BCL9L: variants seen among roughly 807,000 people sequenced by gnomAD.
BCL9L encodes the protein B-cell CLL/lymphoma 9-like protein.
BCL9L carries 19 observed loss-of-function variants against 99.4 expected under a neutral mutation model. The ratio of observed to expected loss-of-function variants is 0.19; its 90% confidence interval spans 0.13 to 0.28. The LOEUF (loss-of-function observed/expected upper bound fraction) is 0.28, where lower values mean the gene tolerates loss of function less well. Ranked by LOEUF, BCL9L falls within the 10% of genes least tolerant of loss-of-function variation. BCL9L has a pLI of 1.00. For synonymous variants in BCL9L, 900 were observed against 854.8 expected, an observed-to-expected ratio of 1.05 and a Z score of -0.92; for missense variants, 2,023 against 2,101.6, an observed-to-expected ratio of 0.96 and a Z score of 0.73.
chr11:118,896,427 C>T lies in BCL9L; in HGVS notation c.*1988G>A, dbSNP rs1939922805. On this transcript the variant is annotated 3_prime_UTR_variant, in exon 10 of 10. Transcript: ENST00000683865. Reference sequence around the variant, plus strand: ...GCCCGCTGCAATCTGACCCCTCTCTCCTCAGGGCAGGAAACACAGAGTCAG... The same window carrying T: ...GCCCGCTGCAATCTGACCCCTCTCTTCTCAGGGCAGGAAACACAGAGTCAG... 1 of 152,376 alleles carries T rather than the reference C, an allele frequency of 6.6e-6. No individual in the cohort carries two copies. The highest frequency in any genetic ancestry group is 2.4e-5 in the African/African-American group (1 of 41,412). 9.4% of individuals were successfully genotyped at this position (152,376 alleles called of 1,614,324 possible).
rs750638903 is a variant in BCL9L at position 118,901,725 on chromosome 11, C to T, written c.2018G>A (p.Arg673Gln). 1.9e-6 allele frequency: 3 copies of T among 1,613,456 alleles called. No individual in the cohort carries two copies. Among genetic ancestry groups the T allele is most frequent in the Admixed American group, 1.7e-5 (1 of 60,020 alleles). The change falls in exon 8 of 10, where the codon CGG becomes CAG. Residue 673 changes from arginine to glutamine, a missense_variant. By Grantham distance (43) the Arg-to-Gln change is conservative. This residue lies in a region of BCL9L where 1,116 missense variants were observed against 1,194.6 expected (regional missense o/e 0.93). Transcript: ENST00000683865. This position sits in a 1 kb window ranked among gnomAD's most constrained non-coding sequence, Gnocchi z 6.6. ...QGEAERFMTP[R>Q]VREELLRHQL... is the part of the protein sequence containing the mutation. ...GTGCCGCAGCAGCTCCTCACGGACC[C>T]GGGGAGTCATGAATCGCTCCGCCTC...
Position 118,900,490 on chromosome 11 carries a change from T to C in BCL9L, c.3124+129A>G. ...CCCACAAATGTCATCATCTGCCCCA[T>C]AAGCAGAGCCATCCACCTCTGGGCC... On this transcript the variant is annotated intron_variant, in intron 8 of 9. Transcript: ENST00000683865. This position sits in a 1 kb window ranked among gnomAD's most constrained non-coding sequence, Gnocchi z 5.3. The C allele has an allele frequency of 2.1e-6, 3 of 1,432,156 alleles. No homozygotes were observed. In the South Asian group the frequency reaches 4.4e-5, roughly 21 times the overall value. 88.7% of individuals were successfully genotyped at this position (1,432,156 alleles called of 1,614,324 possible).
chr11:118,921,774 C>G lies in BCL9L; in HGVS notation c.-130-2895G>C, dbSNP rs1182526935. Among the ~76,000 whole-genome samples the G allele has an allele frequency of 6.6e-6, 1 of 152,054 alleles. No individual in the cohort carries two copies. Among genetic ancestry groups the G allele is most frequent in the Non-Finnish European group, 1.5e-5 (1 of 67,996 alleles). ...AGAATCAGAGGGAACCTGTCTGTGT[C>G]CTTTCCCCTACTCCTGGGCAGTGGT... On this transcript the variant is annotated intron_variant, in intron 1 of 9. Coordinates refer to ENST00000683865, the MANE Select transcript of BCL9L (RefSeq NM_001378213.1). This position sits in a 1 kb window ranked among gnomAD's most constrained non-coding sequence, Gnocchi z 5.4.
rs1168628226 is a variant in BCL9L, at chr11:118,899,985, G to A, written c.3338C>T (p.Ser1113Leu). Residue 1113 changes from serine (S) to leucine (L), a missense_variant, in exon 9 of 10, where the codon TCA becomes TTA. By Grantham distance (145) the Ser-to-Leu change is moderately radical. Transcript: ENST00000683865. ...YHNAIKTIAT[S>L]DDELLPDRPL... The stretch of plus-strand genomic sequence containing the variant: ...CCGGTCGGGCAGCAGCTCGTCGTCT[G>A]AGGTGGCGATGGTCTTGATGGCATT... The A allele has an allele frequency of 1.9e-6, 3 of 1,614,022 alleles. No individual in the cohort carries two copies. Among genetic ancestry groups the A allele is most frequent in the Non-Finnish European group, 2.5e-6 (3 of 1,180,020 alleles).
At chr11:118,913,165 C>T (rs1940859957) in intron 2 of BCL9L, among the ~76,000 whole-genome samples, 1 of 152,162 alleles carries the variant, frequency 6.6e-6, no homozygotes, top group Non-Finnish European at 1.5e-5. Context: ...ACACTTCCCC[C>T]GACTCTGTGC....
rs760569734 is a variant in BCL9L at position 118,900,181 on chromosome 11, C to T, written c.3142G>A (p.Gly1048Ser). The change falls in exon 9 of 10, where the codon GGC becomes AGC. Residue 1048 changes from glycine to serine, a missense_variant. Coordinates refer to ENST00000683865, the MANE Select transcript of BCL9L (RefSeq NM_001378213.1). The surrounding 1 kb of genome is among the most constrained non-coding windows in gnomAD (Gnocchi z 5.3). ...NMEQGTLPPS[G>S]PRSSSSAPPA... Reference sequence around the variant, plus strand: ...GGTGCTGAGGAGCTGCTCCGGGGGCCGCTAGGCGGGAGGGTACCTACAGAA... The same window carrying T: ...GGTGCTGAGGAGCTGCTCCGGGGGCTGCTAGGCGGGAGGGTACCTACAGAA... The T allele has an allele frequency of 1.0e-5, 16 of 1,602,324 alleles. No homozygotes were observed. The highest frequency in any genetic ancestry group is 1.7e-4 in the Middle Eastern group (1 of 5,904).
chr11:118,906,187 C>T (rs1052697866), intron 5 of BCL9L, among the ~76,000 whole-genome samples: 2 of 152,204 alleles, frequency 1.3e-5, no homozygotes, highest in Admixed American at 1.3e-4. Flanking sequence ...GAGAGAGACC[C>T]TGTCTCTAAA....
chr11:118,917,721 G>A (rs185589935), intron 2 of BCL9L, among the ~76,000 whole-genome samples: 1 of 152,154 alleles, frequency 6.6e-6, no homozygotes. Flanking sequence ...CCAGGTACCC[G>A]CCTGGCCTGG....
At chr11:118,920,290 T>C (rs1164763446) in intron 1 of BCL9L, among the ~76,000 whole-genome samples, 2 of 151,882 alleles carry the variant, frequency 1.3e-5, no homozygotes, top group Admixed American at 6.6e-5. Context: ...TGGCCCCAAA[T>C]CAAAAAACCC....
At position 118,901,304 on chromosome 11, in the gene BCL9L, A is replaced by T; in HGVS notation, c.2439T>A (p.Ser813Arg). The T allele has an allele frequency of 6.2e-7, 1 of 1,613,658 alleles. No individual in the cohort carries two copies. Among genetic ancestry groups the T allele is most frequent in the South Asian group, 1.1e-5 (1 of 91,074 alleles). ...CCCGAACCCGGGCCATCTCCTCAGG[A>T]CTGAGGCCCTGGGGCCCCATCAAGT... ...PGDLMGPQGL[S>R]PEEMARVRAQ... Residue 813 changes from serine to arginine, a missense_variant, in exon 8 of 10, where the codon AGT (serine) becomes AGA (arginine). Coordinates refer to ENST00000683865, the MANE Select transcript of BCL9L (RefSeq NM_001378213.1). The surrounding 1 kb of genome is among the most constrained non-coding windows in gnomAD (Gnocchi z 6.6).
intron 3 of BCL9L, 27 bp downstream of exon 3, chr11:118,909,887 A>C (rs756952061): frequency 5.0e-6 from 8 of 1,613,018 alleles, no homozygotes; most frequent in Non-Finnish European, 6.8e-6. Context: ...ACACACACAC[A>C]TCCCACCCGC....
In BCL9L at chr11:118,921,757, AGG is replaced by A. The variant is rs1941147625; in HGVS notation, c.-130-2880_-130-2879del. ...CCTCCCCCTTGGCATGGAGAATCAG[AGG>A]GAACCTGTCTGTGTCCTTTCCCCTA... On this transcript the variant is annotated intron_variant, in intron 1 of 9. Coordinates refer to ENST00000683865, the MANE Select transcript of BCL9L (RefSeq NM_001378213.1). This position sits in a 1 kb window ranked among gnomAD's most constrained non-coding sequence, Gnocchi z 5.4. 6.6e-6 allele frequency among the ~76,000 whole-genome samples: 1 copy of A among 152,024 alleles called. No homozygotes were observed. Among genetic ancestry groups the A allele is most frequent in the Non-Finnish European group, 1.5e-5 (1 of 67,976 alleles).
Position 118,908,261 on chromosome 11 carries a change from A to C in BCL9L, c.412+9T>G, listed in dbSNP as rs1428386030. ...ATGCTAGGGTCTTAGGGATGAGGAA[A>C]TGGGGTACCTTTGGCCTCTGAATCC... On this transcript the variant is annotated intron_variant, in intron 4 of 9. Coordinates refer to ENST00000683865, the MANE Select transcript of BCL9L (RefSeq NM_001378213.1). The C allele has an allele frequency of 2.0e-6, 3 of 1,536,446 alleles. No homozygotes were observed. The highest frequency in any genetic ancestry group is 2.6e-6 in the Non-Finnish European group (3 of 1,142,194).
Position 118,898,295 on chromosome 11 carries a change from C to A in BCL9L, c.*120G>T. 2.4e-6 allele frequency: 1 copy of A among 409,784 alleles called. No homozygotes were observed. The highest frequency in any genetic ancestry group is 4.6e-6 in the Non-Finnish European group (1 of 217,410). 25.4% of individuals were successfully genotyped at this position (409,784 alleles called of 1,614,324 possible). A position where few individuals can be genotyped will look rare whatever the true frequency, so the allele number is the denominator to read the frequency against. On this transcript the variant is annotated 3_prime_UTR_variant, in exon 10 of 10. Transcript: ENST00000683865. ...CCACAAATGCCACTCCCTACACAAG[C>A]CCCCTCCCACCCCCTCCACCCCACC... is the stretch of plus-strand genomic sequence containing the variant.
chr11:118,910,188 C>T, intron 2 of BCL9L, 173 bp from the exon 3 acceptor site: 1 of 557,390 alleles, frequency 1.8e-6, no homozygotes, highest in Non-Finnish European at 3.3e-6. Flanking sequence ...CAGCCCTGTC[C>T]CCATCCCTCC....
rs955633837 is a variant in BCL9L at position 118,914,865 on chromosome 11, C to T, written c.-77+3961G>A. ...AAGAACTGAGTTTGAGGGCCGGGCG[C>T]GGTGGCACACGCCTGTAATCCCAGC... On this transcript the variant is annotated intron_variant, in intron 2 of 9. Transcript: ENST00000683865. This position sits in a 1 kb window ranked among gnomAD's most constrained non-coding sequence, Gnocchi z 4.4. 2.6e-5 allele frequency among the ~76,000 whole-genome samples: 4 copies of T among 152,170 alleles called. No individual in the cohort carries two copies. The highest frequency in any genetic ancestry group is 2.1e-4 in the South Asian group (1 of 4,828).
chr11:118,904,741 G>A (rs1231282131), intron 5 of BCL9L, among the ~76,000 whole-genome samples: 2 of 152,232 alleles, frequency 1.3e-5, no homozygotes, highest in Admixed American at 6.5e-5. Flanking sequence ...AGCCAGGGCA[G>A]TGACCACCTT....
Position 118,901,050 on chromosome 11 carries a change from G to A in BCL9L, c.2693C>T (p.Pro898Leu). 1 of 1,595,850 alleles carries A rather than the reference G, an allele frequency of 6.3e-7. No homozygotes were observed. Among genetic ancestry groups the A allele is most frequent in the Non-Finnish European group, 8.5e-7 (1 of 1,170,588 alleles). ...TGGGGCTGAATGCACGGTCCCAGGA[G>A]GATTGGACGCAGGGGGCAGAGGCAT... ...SHMPLPPASN[P>L]PGTVHSAPNR... The change falls in exon 8 of 10, where the codon CCT becomes CTT. Residue 898 changes from proline to leucine, a missense_variant. By Grantham distance (98) the Pro-to-Leu change is moderately conservative (BLOSUM62 -3). This residue lies in a region of BCL9L where 902 missense variants were observed against 888.2 expected (regional missense o/e 1.02). Transcript: ENST00000683865. This position sits in a 1 kb window ranked among gnomAD's most constrained non-coding sequence, Gnocchi z 6.6.
chr11:118,918,008 C>T (rs1941018304), intron 2 of BCL9L, among the ~76,000 whole-genome samples: 1 of 152,338 alleles, frequency 6.6e-6, no homozygotes, highest in South Asian at 2.1e-4. Context: ...TGCTCCCCAT[C>T]TCTTTCATTC....
Sources: gnomAD v4.1 joint callset for allele counts (sites outside exome capture counted in the v4.1 genomes callset) on GRCh38, gnomAD v4.1.1 for gene constraint, gnomAD v4.1.1 regional missense constraint, Gnocchi (gnomAD v3.1) non-coding constraint, MANE v1.5 for transcripts, NCBI Gene and HGNC (gene_info 2026-07-23, HGNC 2026-07-21) for gene names.